OPCML: variants seen among roughly 807,000 people sequenced by gnomAD.
The protein encoded by OPCML is opioid binding protein/cell adhesion molecule like.
Under a neutral mutation model 37.8 loss-of-function variants are expected in OPCML, and 13 were observed. The ratio of observed to expected loss-of-function variants is 0.34; its 90% CI spans 0.22 to 0.55. The LOEUF is 0.55. OPCML is among the 20% of genes least tolerant of loss of function. The probability of loss-of-function intolerance (pLI) is 0.91; values close to 1 mark genes in which losing one functional copy is unlikely to be tolerated. For synonymous variants in OPCML, 176 were observed against 168.8 expected (o/e 1.04, Z -0.33); for missense variants, 341 against 435.6 (o/e 0.78, Z 1.93).
At chr11:132,516,022 T>C (rs2096278888) in intron 4 of OPCML, among the ~76,000 whole-genome samples, 1 of 152,102 alleles carries the variant, frequency 6.6e-6, no homozygotes, top group Non-Finnish European at 1.5e-5. Context: ...TGCATCTTCT[T>C]GGTAAAGGCA....
intron 3 of OPCML, among the ~76,000 whole-genome samples, chr11:132,635,888 G>A (rs943115948): frequency 6.6e-6 from 1 of 152,166 alleles, no homozygotes; most frequent in African/African-American, 2.4e-5. Context: ...ACTTCAGGAA[G>A]CAGCTTTCAG....
chr11:133,010,654 T>C (rs1947196546), intron 1 of OPCML, among the ~76,000 whole-genome samples: 1 of 152,176 alleles, frequency 6.6e-6, no homozygotes, highest in South Asian at 2.1e-4. Context: ...TATCAATGTG[T>C]TGAATAAAGA....
chr11:132,560,789 G>C (rs77372837), intron 3 of OPCML, among the ~76,000 whole-genome samples: 13,106 of 151,930 alleles, frequency 0.086, 1,227 homozygotes, highest in African/African-American at 0.23. Flanking sequence ...TTTTTTTCTT[G>C]AGTTCTTTGT....
chr11:132,471,483 G>A (rs893541861), intron 4 of OPCML, among the ~76,000 whole-genome samples: 1 of 152,196 alleles, frequency 6.6e-6, no homozygotes, highest in African/African-American at 2.4e-5. Flanking sequence ...ATAAGGTTGT[G>A]GCCAAATGCC....
intron 1 of OPCML, among the ~76,000 whole-genome samples, chr11:133,034,972 C>T (rs1162933588): frequency 6.6e-6 from 1 of 152,112 alleles, no homozygotes; most frequent in Admixed American, 6.5e-5. Context: ...TGATCATCAG[C>T]CTCTCCGTCC....
intron 4 of OPCML, among the ~76,000 whole-genome samples, chr11:132,509,983 C>A (rs1269436329): frequency 6.6e-6 from 1 of 152,178 alleles, no homozygotes; most frequent in Non-Finnish European, 1.5e-5. Flanking sequence ...TCAATGCCTG[C>A]TCGTGAAAGC....
chr11:133,311,458 T>C (rs1044172912), intron 1 of OPCML, among the ~76,000 whole-genome samples: 1 of 152,182 alleles, frequency 6.6e-6, no homozygotes, highest in African/African-American at 2.4e-5. Context: ...GGTGAGGTCT[T>C]AGGATTCTAA....
At chr11:133,363,112 G>A (rs949022188) in intron 1 of OPCML, among the ~76,000 whole-genome samples, 4 of 152,102 alleles carry the variant, frequency 2.6e-5, no homozygotes, top group Non-Finnish European at 2.9e-5. Context: ...TTGGGCTGTC[G>A]AGTGGCTGGT....
At chr11:133,289,501 A>G (rs1270607150) in intron 1 of OPCML, among the ~76,000 whole-genome samples, 1 of 148,542 alleles carries the variant, frequency 6.7e-6, no homozygotes, top group African/African-American at 2.5e-5. Context: ...AGGCTGAGGC[A>G]GGAGAATGGC....
intron 3 of OPCML, among the ~76,000 whole-genome samples, chr11:132,580,160 C>T (rs936944516): frequency 1.3e-5 from 2 of 152,162 alleles, no homozygotes; most frequent in Non-Finnish European, 2.9e-5. Flanking sequence ...TGTGTTTTCC[C>T]TTATGTCTTT....
At chr11:132,638,215 CTATA>C (rs557105058) in intron 3 of OPCML, among the ~76,000 whole-genome samples, 4 of 118,524 alleles carry the variant, frequency 3.4e-5, no homozygotes, top group Non-Finnish European at 5.6e-5. Context: ...TATATACAGA[CTATA>C]TATATATATG....
intron 7 of OPCML, among the ~76,000 whole-genome samples, chr11:132,422,002 G>T (rs2095960979): frequency 6.6e-6 from 1 of 151,714 alleles, no homozygotes; most frequent in Admixed American, 6.6e-5. Flanking sequence ...AAACATATGG[G>T]CAGATTCATA....
chr11:132,473,684 G>A (rs1273241067), intron 4 of OPCML, among the ~76,000 whole-genome samples: 1 of 151,972 alleles, frequency 6.6e-6, no homozygotes, highest in Non-Finnish European at 1.5e-5. Context: ...AAAATAGTAG[G>A]GCATAGTGGT....
intron 4 of OPCML, among the ~76,000 whole-genome samples, chr11:132,492,126 G>C (rs1565609487): frequency 6.6e-6 from 1 of 151,836 alleles, no homozygotes; most frequent in African/African-American, 2.4e-5. Flanking sequence ...AATAAAGGAA[G>C]AGTATAAGAG....
intron 2 of OPCML, among the ~76,000 whole-genome samples, chr11:132,932,866 T>C (rs1472828): frequency 0.24 from 35,798 of 150,998 alleles, 4,332 homozygotes; most frequent in South Asian, 0.31. Flanking sequence ...CTATTCCTTA[T>C]TTTTTTTTAA....
At chr11:132,811,872 T>G (rs117337499) in intron 2 of OPCML, among the ~76,000 whole-genome samples, 2,438 of 152,256 alleles carry the variant, frequency 0.016, 27 homozygotes, top group Middle Eastern at 0.027. Context: ...GGCAGACGGA[T>G]TAGAGCATCA....
chr11:132,736,501 G>T (rs1945265206), intron 2 of OPCML, among the ~76,000 whole-genome samples: 4 of 152,164 alleles, frequency 2.6e-5, no homozygotes, highest in Admixed American at 1.3e-4. Flanking sequence ...TGGCAGTTAT[G>T]CCCCACTACA....
chr11:133,085,570 A>G (rs1260776610), intron 1 of OPCML, among the ~76,000 whole-genome samples: 1 of 152,250 alleles, frequency 6.6e-6, no homozygotes, highest in African/African-American at 2.4e-5. Flanking sequence ...ATTAACTAAG[A>G]AGGCAGTGGT....
At chr11:132,494,986 G>T (rs2096226798) in intron 4 of OPCML, among the ~76,000 whole-genome samples, 1 of 151,312 alleles carries the variant, frequency 6.6e-6, no homozygotes, top group Non-Finnish European at 1.5e-5. Flanking sequence ...CGACTACAAA[G>T]GATTTTCTCT....
Sources: allele counts gnomAD v4.1 joint callset (sites outside exome capture counted in the v4.1 genomes callset), GRCh38; gene constraint gnomAD v4.1.1; transcripts MANE v1.5; gene names NCBI Gene and HGNC (gene_info 2026-07-23, HGNC 2026-07-21).